GPR137B: variants seen among roughly 807,000 people sequenced by gnomAD.
GPR137B encodes integral membrane protein GPR137B.
In GPR137B, 42 loss-of-function variants were observed where a neutral mutation model predicts 42.5. The observed-to-expected ratio is 0.99, with a 90% CI of 0.77 to 1.28. The LOEUF is 1.28. Ranked by LOEUF, GPR137B falls within the 50% of genes most tolerant of loss-of-function variation. The pLI is 0.00. For synonymous variants in GPR137B, 218 were observed against 209.7 expected (o/e 1.04, Z -0.34); for missense variants, 487 against 493.9 (o/e 0.99, Z 0.13).
At chr1:236,160,569 C>A (rs1447951380) in intron 1 of GPR137B, among the ~76,000 whole-genome samples, 1 of 152,204 alleles carries the variant, frequency 6.6e-6, no homozygotes, top group African/African-American at 2.4e-5. Flanking sequence ...TCAGGTCTCC[C>A]CATCTTAAAA....
chr1:236,185,487 C>T (rs60755232), intron 5 of GPR137B, among the ~76,000 whole-genome samples: 12,442 of 152,166 alleles, frequency 0.082, 1,478 homozygotes, highest in African/African-American at 0.26. Flanking sequence ...GGGTAGGTTC[C>T]GGGAATGTAC....
Position 236,179,900 on chromosome 1 carries a change from A to G in GPR137B, c.709A>G (p.Thr237Ala). ...ESKGSSVCQV[T>A]AIGVTVILLY... The stretch of plus-strand genomic sequence containing the variant: ...CCAGGGCTCCTCCGTGTGTCAAGTG[A>G]CTGCCATCGGTGTCACCGTGATACT... The change falls in exon 4 of 7, where the codon ACT becomes GCT. Residue 237 changes from threonine (T) to alanine (A), a missense_variant. Coordinates refer to ENST00000366592, the MANE Select transcript of GPR137B (RefSeq NM_003272.4). 1 of 1,593,148 alleles carries G rather than the reference A, an allele frequency of 6.3e-7. No individual in the cohort carries two copies.
chr1:236,208,152 TG>T lies in GPR137B; in HGVS notation c.1197del (p.Ter400SerfsTer4). The T allele has an allele frequency of 6.2e-7, 1 of 1,613,750 alleles. No individual in the cohort carries two copies. The highest frequency in any genetic ancestry group is 8.5e-7 in the Non-Finnish European group (1 of 1,179,756). ...CTTTGGATCCTGACAAACCAAGCCT[TG>T]GGTAGCATCAGTTAACAGTTTTATG... Reference protein sequence around the residue: ...STLDPDKPSLG With the variant: ...STLDPDKPSLX On this transcript the variant is annotated frameshift_variant, in exon 7 of 7. Transcript: ENST00000366592. LOFTEE classifies it high-confidence loss of function.
intron 5 of GPR137B, among the ~76,000 whole-genome samples, chr1:236,200,724 A>T (rs1022213464): frequency 6.6e-6 from 1 of 151,966 alleles, no homozygotes; most frequent in Non-Finnish European, 1.5e-5. Context: ...CCTTAAGTTT[A>T]TGTGAGTACT....
intron 1 of GPR137B, among the ~76,000 whole-genome samples, chr1:236,165,102 AC>A (rs1283988219): frequency 1.3e-5 from 2 of 152,272 alleles, no homozygotes; most frequent in Admixed American, 6.5e-5. Context: ...ACAGGGTTTC[AC>A]CATGTTGGCC....
chr1:236,186,277 A>ATATATAATAT (rs1553365185), intron 5 of GPR137B, among the ~76,000 whole-genome samples: 1 of 17,966 alleles, frequency 5.6e-5, no homozygotes, highest in Non-Finnish European at 9.7e-5. Context: ...TATTATATAT[A>ATATATAATAT]ATAATATAAA....
At chr1:236,184,862 G>C (rs1301177675) in intron 5 of GPR137B, among the ~76,000 whole-genome samples, 1 of 152,138 alleles carries the variant, frequency 6.6e-6, no homozygotes, top group Non-Finnish European at 1.5e-5. Flanking sequence ...CGCCTCCCGG[G>C]TTTAAGCGAT....
rs568131756 is a variant in GPR137B, at chr1:236,155,227, G to A, written c.414+12191G>A. On this transcript the variant is annotated intron_variant, in intron 1 of 6. Transcript: ENST00000366592. This position sits in a 1 kb window ranked among gnomAD's most constrained non-coding sequence, Gnocchi z 4.6. Reference sequence around the variant, plus strand: ...GCTATTCCTGCGGGGCTTCCAGGGCGGAGGACACGGGCTGACACGGGCTGT... The same window carrying A: ...GCTATTCCTGCGGGGCTTCCAGGGCAGAGGACACGGGCTGACACGGGCTGT... Among the ~76,000 whole-genome samples the A allele has an allele frequency of 2.5e-4, 38 of 152,358 alleles. No individual in the cohort carries two copies. The highest frequency in any genetic ancestry group is 2.5e-3 in the South Asian group (12 of 4,826).
At chr1:236,183,707 A>T (rs560544009) in intron 4 of GPR137B, 71 bp from the exon 5 acceptor site, 2 of 1,131,640 alleles carry the variant, frequency 1.8e-6, no homozygotes, top group Non-Finnish European at 2.6e-6. Flanking sequence ...CTCTGTTCAC[A>T]TTAGAAAGAA....
chr1:236,188,028 C>T (rs1663084481), intron 5 of GPR137B, among the ~76,000 whole-genome samples: 1 of 152,084 alleles, frequency 6.6e-6, no homozygotes, highest in Non-Finnish European at 1.5e-5. Flanking sequence ...TGTAGTTCTC[C>T]TTGGAGAGGT....
chr1:236,163,688 G>A (rs1480907679), intron 1 of GPR137B, among the ~76,000 whole-genome samples: 1 of 152,102 alleles, frequency 6.6e-6, no homozygotes, highest in Non-Finnish European at 1.5e-5. Context: ...TTCTCTTGCT[G>A]CTGCCATGTA....
intron 6 of GPR137B, among the ~76,000 whole-genome samples, chr1:236,206,284 T>C (rs989074142): frequency 1.3e-5 from 2 of 152,214 alleles, no homozygotes; most frequent in Non-Finnish European, 2.9e-5. Context: ...GTAGGTAACT[T>C]GTCCAAGGTC....
At chr1:236,160,622 C>T (rs961031518) in intron 1 of GPR137B, among the ~76,000 whole-genome samples, 1 of 152,246 alleles carries the variant, frequency 6.6e-6, no homozygotes, top group Non-Finnish European at 1.5e-5. Context: ...TTGCATTTCA[C>T]AAACATGCGC....
intron 4 of GPR137B, 131 bp downstream of exon 4, chr1:236,180,159 G>C (rs1248021399): frequency 2.8e-6 from 2 of 703,272 alleles, no homozygotes; most frequent in Admixed American, 4.4e-5. Flanking sequence ...TGTAGTATCT[G>C]CATATAACCT....
chr1:236,171,597 A>T lies in GPR137B; in HGVS notation c.464+2842A>T, dbSNP rs1662539186. Among the ~76,000 whole-genome samples the T allele has an allele frequency of 6.6e-6, 1 of 152,212 alleles. No homozygotes were observed. The highest frequency in any genetic ancestry group is 1.5e-5 in the Non-Finnish European group (1 of 68,026). ...GACTGGGGTCTTCGGGTGAGAAGAT[A>T]TGTGCGTGGGGCAGTCCTTGCTTGA... On this transcript the variant is annotated intron_variant, in intron 2 of 6. Transcript: ENST00000366592. The surrounding 1 kb of genome is among the most constrained non-coding windows in gnomAD (Gnocchi z 4.4).
At chr1:236,173,871 GA>G (rs936230762) in intron 2 of GPR137B, among the ~76,000 whole-genome samples, 3 of 151,958 alleles carry the variant, frequency 2.0e-5, no homozygotes, top group Non-Finnish European at 4.4e-5. Context: ...GGCATAGAGG[GA>G]AAAAAACTTG....
At chr1:236,157,514 G>T (rs928985450) in intron 1 of GPR137B, among the ~76,000 whole-genome samples, 1 of 152,194 alleles carries the variant, frequency 6.6e-6, no homozygotes, top group Non-Finnish European at 1.5e-5. Context: ...GAGCCACTGT[G>T]CCCGGCCCGA....
intron 2 of GPR137B, among the ~76,000 whole-genome samples, chr1:236,168,969 A>G (rs1177197820): frequency 6.6e-6 from 1 of 152,218 alleles, no homozygotes; most frequent in East Asian, 1.9e-4. Context: ...GGGGACTTGC[A>G]TCATACTTAC....
intron 5 of GPR137B, among the ~76,000 whole-genome samples, chr1:236,185,222 T>A (rs1489775707): frequency 1.3e-5 from 2 of 152,188 alleles, no homozygotes; most frequent in Admixed American, 1.3e-4. Context: ...TGGGGGGAAA[T>A]CTATAACTCA....
Sources: allele counts gnomAD v4.1 joint callset (sites outside exome capture counted in the v4.1 genomes callset), GRCh38; gene constraint gnomAD v4.1.1; non-coding constraint Gnocchi (gnomAD v3.1); transcripts MANE v1.5; gene names NCBI Gene and HGNC (gene_info 2026-07-23, HGNC 2026-07-21).